Variants in ZC3HAV1 observed in about 807,000 individuals in gnomAD.
ZC3HAV1 encodes zinc finger CCCH-type antiviral protein 1.
In ZC3HAV1, 41 loss-of-function variants were observed where a neutral mutation model predicts 86.6. The ratio of observed to expected loss-of-function variants is 0.47; its 90% CI spans 0.37 to 0.61. The LOEUF is 0.61. Ranked by LOEUF, ZC3HAV1 falls within the 20% of genes least tolerant of loss-of-function variation. The probability of loss-of-function intolerance (pLI) is 0.00; values close to 1 mark genes in which losing one functional copy is unlikely to be tolerated. For missense variants in ZC3HAV1, 964 were observed against 1,141.1 expected (o/e 0.84, Z 2.24); for synonymous variants, 421 against 432.1 (o/e 0.97, Z 0.32).
chr7:139,080,570 C>T (rs1817100198), intron 3 of ZC3HAV1, among the ~76,000 whole-genome samples: 1 of 152,170 alleles, frequency 6.6e-6, no homozygotes, highest in African/African-American at 2.4e-5. Context: ...GCTGAGACTA[C>T]AGGTGCTCAC....
chr7:139,078,985 A>G, intron 4 of ZC3HAV1: 1 of 1,399,238 alleles, frequency 7.1e-7, no homozygotes. Context: ...CCCCATAACC[A>G]AAACCCTCTA....
At chr7:139,087,531 G>A (rs958901893) in intron 2 of ZC3HAV1, among the ~76,000 whole-genome samples, 28 of 152,036 alleles carry the variant, frequency 1.8e-4, no homozygotes, top group Non-Finnish European at 5.9e-5. Flanking sequence ...GGGCTGGAGA[G>A]CAAATGGGAC....
chr7:139,080,220 T>G lies in ZC3HAV1; in HGVS notation c.721A>C (p.Met241Leu), dbSNP rs749059082. 6.2e-7 allele frequency: 1 copy of G among 1,614,144 alleles called. No individual in the cohort carries two copies. The highest frequency in any genetic ancestry group is 2.2e-5 in the East Asian group (1 of 44,890). ...PRAPSSHRRNMAYRARSKSRD... is the reference protein window; with the variant it reads ...PRAPSSHRRNLAYRARSKSRD... Reference sequence around the variant, plus strand: ...CTCTTGCTTCTAGCCCTATATGCCATGTTTCTACGATGTGAAGAAGGAGCT... The same window carrying G: ...CTCTTGCTTCTAGCCCTATATGCCAGGTTTCTACGATGTGAAGAAGGAGCT... The change falls in exon 4 of 13, where the codon ATG becomes CTG. Residue 241 changes from methionine (M) to leucine (L), a missense_variant. Transcript: ENST00000242351.
At chr7:139,066,490 G>C (rs1302560815) in intron 7 of ZC3HAV1, among the ~76,000 whole-genome samples, 1 of 152,162 alleles carries the variant, frequency 6.6e-6, no homozygotes, top group Non-Finnish European at 1.5e-5. Flanking sequence ...CAGGAGGTAG[G>C]ACCAGTACAA....
At chr7:139,079,126 C>T in intron 4 of ZC3HAV1, 1 of 1,536,162 alleles carries the variant, frequency 6.5e-7, no homozygotes, top group Non-Finnish European at 8.7e-7. Flanking sequence ...CTGTTGTCTT[C>T]CTTGTGAGCT....
intron 1 of ZC3HAV1, among the ~76,000 whole-genome samples, chr7:139,100,849 G>A (rs947811772): frequency 7.2e-6 from 1 of 139,368 alleles, no homozygotes; most frequent in African/African-American, 3.2e-5. Context: ...CTCTTTCCAC[G>A]GTCTCCCTCT....
intron 1 of ZC3HAV1, among the ~76,000 whole-genome samples, chr7:139,102,632 C>T (rs1817806359): frequency 6.6e-6 from 1 of 151,930 alleles, no homozygotes; most frequent in South Asian, 2.1e-4. Flanking sequence ...TGGCTCATGC[C>T]TGTAATCCCA....
At chr7:139,090,388 C>A (rs1339791680) in intron 1 of ZC3HAV1, among the ~76,000 whole-genome samples, 1 of 152,086 alleles carries the variant, frequency 6.6e-6, no homozygotes, top group East Asian at 1.9e-4. Flanking sequence ...CCACACCCAG[C>A]CTATTATTTT....
intron 3 of ZC3HAV1, 68 bp from the exon 4 acceptor site, chr7:139,080,311 C>G (rs1817092159): frequency 1.3e-6 from 2 of 1,574,290 alleles, no homozygotes; most frequent in Non-Finnish European, 1.7e-6. Context: ...TGAGTTCCTA[C>G]CACCCTTCCT....
At chr7:139,052,936 T>C (rs531899396) in intron 12 of ZC3HAV1, among the ~76,000 whole-genome samples, 2 of 146,870 alleles carry the variant, frequency 1.4e-5, no homozygotes, top group Admixed American at 1.4e-4. Flanking sequence ...AAAAAAAAAA[T>C]TGGATGCAAG....
At chr7:139,081,053 T>C (rs1322051443) in intron 3 of ZC3HAV1, among the ~76,000 whole-genome samples, 3 of 152,148 alleles carry the variant, frequency 2.0e-5, no homozygotes, top group African/African-American at 7.2e-5. Context: ...GGCCTTCCTC[T>C]AGAAACTTGA....
Position 139,064,946 on chromosome 7 carries a change from A to G in ZC3HAV1, c.1926T>C (p.Tyr642=), listed in dbSNP as rs1463431399. The stretch of plus-strand genomic sequence containing the variant: ...GCACAACTCCCCTCGGACAGGATTG[A>G]TAGAGAGACTCCAGGTATGAAGAGT... ...NVDSSYLESL[Y]QSCPRGVVPF... is the part of the protein sequence containing the mutation. Residue 642 remains tyrosine, a synonymous_variant, in exon 8 of 13, where the codon TAT becomes TAC. Coordinates refer to ENST00000242351, the MANE Select transcript of ZC3HAV1 (RefSeq NM_020119.4). 1.9e-6 allele frequency: 3 copies of G among 1,614,084 alleles called. No homozygotes were observed. In the Admixed American group the frequency reaches 5.0e-5, roughly 27 times the overall value.
At chr7:139,094,555 T>C (rs1817527401) in intron 1 of ZC3HAV1, among the ~76,000 whole-genome samples, 1 of 150,928 alleles carries the variant, frequency 6.6e-6, no homozygotes. Flanking sequence ...TGTCTCTCTT[T>C]AAGGAGCTCA....
At chr7:139,074,125 C>T (rs1816865539) in intron 6 of ZC3HAV1, 95 bp from the exon 7 acceptor site, 1 of 1,257,350 alleles carries the variant, frequency 8.0e-7, no homozygotes, top group Admixed American at 2.4e-5. Context: ...ATTAAACTTT[C>T]AGGGCTAAAA....
chr7:139,076,473 T>C (rs1563132281), intron 5 of ZC3HAV1, 64 bp from the exon 6 acceptor site: 2 of 1,597,200 alleles, frequency 1.3e-6, no homozygotes, highest in Admixed American at 1.7e-5. Flanking sequence ...TTCAGTCAAG[T>C]TCACTGCCAG....
At chr7:139,077,605 T>C (rs758256482) in intron 5 of ZC3HAV1, among the ~76,000 whole-genome samples, 2 of 152,182 alleles carry the variant, frequency 1.3e-5, no homozygotes, top group African/African-American at 4.8e-5. Flanking sequence ...GGCTGCACTA[T>C]GGTTTAGCTT....
chr7:139,107,917 G>T (rs1817982224), intron 1 of ZC3HAV1, among the ~76,000 whole-genome samples: 2 of 152,214 alleles, frequency 1.3e-5, no homozygotes, highest in Admixed American at 6.5e-5. Context: ...GGAAAGACTG[G>T]CCATTCATTA....
chr7:139,057,792 A>G lies in ZC3HAV1; in HGVS notation c.2097-2497T>C, dbSNP rs1420135777. Among the ~76,000 whole-genome samples the G allele has an allele frequency of 1.8e-4, 4 of 21,768 alleles. 1 individual carries two copies. The highest frequency in any genetic ancestry group is 2.8e-4 in the African/African-American group (1 of 3,612). The allele number at this position is 21,768 out of a possible 152,430, so 14.3% of individuals were successfully genotyped here. ...CCTGACCTCGTGATCCGCCCACCTC[A>G]GCCTCCCACAGTGCTGGGATTACAG... On this transcript the variant is annotated intron_variant, in intron 9 of 12. Coordinates refer to ENST00000242351, the MANE Select transcript of ZC3HAV1 (RefSeq NM_020119.4).
At chr7:139,081,439 T>C (rs1373799085) in intron 3 of ZC3HAV1, among the ~76,000 whole-genome samples, 1 of 152,218 alleles carries the variant, frequency 6.6e-6, no homozygotes, top group Non-Finnish European at 1.5e-5. Flanking sequence ...TATACAGATC[T>C]TTCTCATTCA....
Sources: gnomAD v4.1 joint callset for allele counts (sites outside exome capture counted in the v4.1 genomes callset) on GRCh38, gnomAD v4.1.1 for gene constraint, MANE v1.5 for transcripts, NCBI Gene and HGNC (gene_info 2026-07-23, HGNC 2026-07-21) for gene names.